The following TWIST2 variants were observed in gnomAD, a reference collection of about 807,000 sequenced individuals.
The protein encoded by TWIST2 is twist family bHLH transcription factor 2, also known as twist-related protein 2.
In TWIST2, 1 loss-of-function variant was observed where a neutral mutation model predicts 11.6. That is an observed-to-expected ratio of 0.09 (90% CI 0.03 to 0.41). The LOEUF (loss-of-function observed/expected upper bound fraction) is 0.41. Ranked by LOEUF, TWIST2 falls within the 10% of genes least tolerant of loss-of-function variation. The probability of loss-of-function intolerance (pLI) is 0.98; values close to 1 mark genes in which losing one functional copy is unlikely to be tolerated. For synonymous variants in TWIST2, 87 were observed against 96.6 expected (o/e 0.90, Z 0.58); for missense variants, 168 against 226.4 (o/e 0.74, Z 1.66).
intron 1 of TWIST2, among the ~76,000 whole-genome samples, chr2:238,874,107 G>T (rs1322360506): frequency 6.6e-6 from 1 of 152,144 alleles, no homozygotes; most frequent in Non-Finnish European, 1.5e-5. Context: ...AGGGGATGGC[G>T]ATTGTCTGTC....
At chr2:238,899,611 C>T (rs1034240307) in intron 1 of TWIST2, among the ~76,000 whole-genome samples, 4 of 152,230 alleles carry the variant, frequency 2.6e-5, no homozygotes, top group Admixed American at 2.6e-4. Context: ...ATTGCACACA[C>T]CCCTCTCTGT....
chr2:238,852,763 A>G (rs1692264387), intron 1 of TWIST2, among the ~76,000 whole-genome samples: 1 of 152,250 alleles, frequency 6.6e-6, no homozygotes, highest in Non-Finnish European at 1.5e-5. Context: ...CAGTTTCCTG[A>G]TTATGATAAT....
At chr2:238,859,637 G>A (rs185400320) in intron 1 of TWIST2, among the ~76,000 whole-genome samples, 49 of 151,698 alleles carry the variant, frequency 3.2e-4, no homozygotes, top group Middle Eastern at 6.9e-3. Context: ...TGTTCAGTTG[G>A]GGGTGGAGGG....
chr2:238,878,079 A>C (rs529377564), intron 1 of TWIST2, among the ~76,000 whole-genome samples: 170 of 152,336 alleles, frequency 1.1e-3, no homozygotes, highest in African/African-American at 3.7e-3. Flanking sequence ...CCAAAAAGGA[A>C]TGACCTGGAG....
intron 1 of TWIST2, among the ~76,000 whole-genome samples, chr2:238,849,535 A>G (rs1202920926): frequency 6.6e-6 from 1 of 152,050 alleles, no homozygotes. Flanking sequence ...CTGAGTCCCA[A>G]CCTTGACCCT....
intron 1 of TWIST2, among the ~76,000 whole-genome samples, chr2:238,873,393 C>A (rs1234294303): frequency 6.6e-6 from 1 of 152,112 alleles, no homozygotes; most frequent in African/African-American, 2.4e-5. Flanking sequence ...TGGGGAAGGA[C>A]ATCTGAAGAA....
At chr2:238,870,180 A>G (rs1692629307) in intron 1 of TWIST2, among the ~76,000 whole-genome samples, 3 of 72,818 alleles carry the variant, frequency 4.1e-5, no homozygotes, top group African/African-American at 1.2e-4. Flanking sequence ...CACACCCCAC[A>G]CACACATCAC....
intron 1 of TWIST2, among the ~76,000 whole-genome samples, chr2:238,905,914 C>T (rs1435599392): frequency 3.9e-5 from 4 of 103,652 alleles, no homozygotes; most frequent in African/African-American, 1.4e-4. Context: ...CGTGTGTGTG[C>T]GTGCAGGTGT....
rs1693428997 is a variant in TWIST2 at position 238,910,152 on chromosome 2, C to T, written c.*346C>T. ...CTGAAAATGTCTAGATTCAGGAACA[C>T]ATTTATGAGGATTTGGATTTTGAAT... is the stretch of plus-strand genomic sequence containing the variant. On this transcript the variant is annotated 3_prime_UTR_variant, in exon 2 of 2. Coordinates refer to ENST00000612363, the MANE Select transcript of TWIST2 (RefSeq NM_001271893.4). 6.6e-6 allele frequency: 1 copy of T among 152,116 alleles called. No individual in the cohort carries two copies. Among genetic ancestry groups the T allele is most frequent in the African/African-American group, 2.4e-5 (1 of 41,420 alleles). The allele number at this position is 152,116 out of a possible 1,614,324, so 9.4% of individuals were successfully genotyped here.
At chr2:238,858,842 G>A (rs145512761) in intron 1 of TWIST2, among the ~76,000 whole-genome samples, 2,492 of 152,244 alleles carry the variant, frequency 0.016, 35 homozygotes, top group Non-Finnish European at 0.026. Context: ...GTCAAAAGAC[G>A]GAAACAGCAA....
At chr2:238,849,332 GTT>G (rs1272885490) in intron 1 of TWIST2, among the ~76,000 whole-genome samples, 3 of 152,220 alleles carry the variant, frequency 2.0e-5, no homozygotes, top group Non-Finnish European at 4.4e-5. Flanking sequence ...CGGCTCCAGG[GTT>G]TGCCTGGGGA....
intron 1 of TWIST2, among the ~76,000 whole-genome samples, chr2:238,905,938 TGTGTGCGC>T (rs1320844240): frequency 0.022 from 3,201 of 142,676 alleles, 100 homozygotes; most frequent in African/African-American, 0.079. Context: ...TGTGCGCGTG[TGTGTGCGC>T]GCGCGTGTGT....
intron 1 of TWIST2, among the ~76,000 whole-genome samples, chr2:238,876,870 A>T (rs905057199): frequency 6.6e-6 from 1 of 152,166 alleles, no homozygotes; most frequent in Non-Finnish European, 1.5e-5. Flanking sequence ...ACTAAAATGC[A>T]TCTGAGAAAA....
At position 238,876,021 on chromosome 2, in the gene TWIST2, G is replaced by A. The variant is rs559043789; in HGVS notation, c.*35+27288G>A. On this transcript the variant is annotated intron_variant, in intron 1 of 1. Transcript: ENST00000612363. Reference sequence around the variant, plus strand: ...CGAGGCCCTGGCCAGGGTTCACATCGTCATCCCACTAGCTGTGGACGTGGG... The same window carrying A: ...CGAGGCCCTGGCCAGGGTTCACATCATCATCCCACTAGCTGTGGACGTGGG... 1.2e-3 allele frequency among the ~76,000 whole-genome samples: 178 copies of A among 152,324 alleles called. 1 individual carries two copies. Among genetic ancestry groups the A allele is most frequent in the Non-Finnish European group, 1.5e-3 (101 of 68,020 alleles).
At chr2:238,905,881 A>T (rs1216392807) in intron 1 of TWIST2, among the ~76,000 whole-genome samples, 2 of 142,240 alleles carry the variant, frequency 1.4e-5, no homozygotes, top group Non-Finnish European at 3.0e-5. Flanking sequence ...GTGTGTGTGC[A>T]TGTGCGCGCA....
chr2:238,858,446 G>A (rs916009114), intron 1 of TWIST2, among the ~76,000 whole-genome samples: 1 of 152,170 alleles, frequency 6.6e-6, no homozygotes, highest in Non-Finnish European at 1.5e-5. Flanking sequence ...GAAACCAAAG[G>A]CTGTTGACTT....
At chr2:238,889,985 G>C (rs1037170044) in intron 1 of TWIST2, among the ~76,000 whole-genome samples, 10 of 98,860 alleles carry the variant, frequency 1.0e-4, no homozygotes, top group Admixed American at 4.9e-4. Context: ...CTGTGCGGAG[G>C]CTGCCCAGCC....
chr2:238,870,175 C>A (rs867276003), intron 1 of TWIST2, among the ~76,000 whole-genome samples: 45 of 48,464 alleles, frequency 9.3e-4, no homozygotes, highest in African/African-American at 2.3e-3. Flanking sequence ...CACCACACAC[C>A]CCACACACAC....
At chr2:238,883,132 C>T (rs1160442858) in intron 1 of TWIST2, among the ~76,000 whole-genome samples, 3 of 152,224 alleles carry the variant, frequency 2.0e-5, no homozygotes, top group Non-Finnish European at 4.4e-5. Flanking sequence ...CCTCCATTTT[C>T]TGCTTTTTTA....
Sources: allele counts gnomAD v4.1 joint callset (sites outside exome capture counted in the v4.1 genomes callset), GRCh38; gene constraint gnomAD v4.1.1; transcripts MANE v1.5; gene names NCBI Gene and HGNC (gene_info 2026-07-23, HGNC 2026-07-21).